AOAH: variants seen among roughly 807,000 people sequenced by gnomAD.
The protein encoded by AOAH is acyloxyacyl hydrolase (neutrophil).
Under a neutral mutation model 92.2 loss-of-function variants are expected in AOAH, and 64 were observed. The observed-to-expected ratio is 0.69, with a 90% confidence interval of 0.57 to 0.86. The LOEUF (loss-of-function observed/expected upper bound fraction) is 0.86. Ranked by LOEUF, AOAH falls within the 40% of genes least tolerant of loss-of-function variation. The pLI, the probability that AOAH is intolerant of heterozygous loss-of-function variation, is 0.00. For missense variants in AOAH, 656 were observed against 694.6 expected, an observed-to-expected ratio of 0.94 and a Z score of 0.62; for synonymous variants, 263 against 254.5, an observed-to-expected ratio of 1.03 and a Z score of -0.32.
chr7:36,538,396 C>T (rs75446080), intron 16 of AOAH, among the ~76,000 whole-genome samples: 157 of 152,220 alleles, frequency 1.0e-3, no homozygotes, highest in African/African-American at 3.5e-3. Context: ...GTCATTCTTA[C>T]CTTTGGTCTC....
intron 6 of AOAH, 52 bp from the exon 7 acceptor site, chr7:36,623,302 G>T: frequency 1.3e-6 from 2 of 1,530,738 alleles, no homozygotes. Context: ...AAGTAACAGT[G>T]TTGGTGAAAA....
intron 1 of AOAH, among the ~76,000 whole-genome samples, chr7:36,713,910 A>T (rs951528532): frequency 2.6e-5 from 4 of 152,224 alleles, no homozygotes; most frequent in Non-Finnish European, 4.4e-5. Context: ...CATCACAATT[A>T]AAAGAACTAG....
At chr7:36,552,753 C>T (rs891571524) in intron 13 of AOAH, among the ~76,000 whole-genome samples, 16 of 152,108 alleles carry the variant, frequency 1.1e-4, no homozygotes, top group African/African-American at 3.9e-4. Flanking sequence ...TAGTCTTGTG[C>T]CTATTCTTGC....
chr7:36,673,960 T>A lies in AOAH; in HGVS notation c.273A>T (p.Gly91=). 1 of 1,610,864 alleles carries A rather than the reference T, an allele frequency of 6.2e-7. No individual in the cohort carries two copies. The highest frequency in any genetic ancestry group is 8.5e-7 in the Non-Finnish European group (1 of 1,177,350). The change falls in exon 3 of 21, where the codon GGA becomes GGT. Residue 91 remains glycine (G), a synonymous_variant. Coordinates refer to ENST00000617537, the MANE Select transcript of AOAH (RefSeq NM_001637.4). ...ATACTCACAGTTTTATGATGTCTGA[T>A]CCAAACTTGTCAATGACTAAATAGC... ...TTCYLVIDKF[G]SDIIKLLSAD...
At chr7:36,534,876 G>A (rs376196605) in intron 16 of AOAH, among the ~76,000 whole-genome samples, 1 of 152,114 alleles carries the variant, frequency 6.6e-6, no homozygotes, top group East Asian at 1.9e-4. Flanking sequence ...GTGTCTGTGT[G>A]TCTGTGTCTC....
chr7:36,605,148 T>C (rs1583923289), intron 11 of AOAH, among the ~76,000 whole-genome samples: 1 of 152,264 alleles, frequency 6.6e-6, no homozygotes, highest in Non-Finnish European at 1.5e-5. Flanking sequence ...GGAAATCATA[T>C]AGAAGCCAGT....
At chr7:36,678,615 G>GCGCA (rs1241428446) in intron 2 of AOAH, among the ~76,000 whole-genome samples, 2 of 138,458 alleles carry the variant, frequency 1.4e-5, no homozygotes, top group Middle Eastern at 3.8e-3. Flanking sequence ...GCGCGCGCGC[G>GCGCA]TTAGAATTCT....
At chr7:36,528,293 T>C (rs768813839) in intron 19 of AOAH, among the ~76,000 whole-genome samples, 3 of 152,262 alleles carry the variant, frequency 2.0e-5, no homozygotes, top group Non-Finnish European at 4.4e-5. Context: ...CCCACGTTGA[T>C]GTAGAATGTT....
Position 36,654,981 on chromosome 7 carries a change from G to A in AOAH, c.390+4185C>T, listed in dbSNP as rs898316850. 6.6e-5 allele frequency among the ~76,000 whole-genome samples: 10 copies of A among 152,326 alleles called. No homozygotes were observed. The South Asian group carries it at 1.4e-3, about 22-fold the overall frequency. ...AGCACAGTTAAATGAGATCACGCAC[G>A]TTAAGTGCAGCGGCTGGCAGGCCAT... is the stretch of plus-strand genomic sequence containing the variant. On this transcript the variant is annotated intron_variant, in intron 4 of 20. Transcript: ENST00000617537.
chr7:36,663,301 G>T (rs749104596), intron 3 of AOAH, among the ~76,000 whole-genome samples: 1 of 152,018 alleles, frequency 6.6e-6, no homozygotes, highest in South Asian at 2.1e-4. Flanking sequence ...TGATAAACCC[G>T]CATTGACACA....
At chr7:36,647,128 G>A (rs1388890105) in intron 4 of AOAH, among the ~76,000 whole-genome samples, 1 of 152,160 alleles carries the variant, frequency 6.6e-6, no homozygotes, top group East Asian at 1.9e-4. Context: ...TTTCATGGAG[G>A]TTACACCCTA....
At chr7:36,668,154 C>G (rs1795665192) in intron 3 of AOAH, among the ~76,000 whole-genome samples, 1 of 152,072 alleles carries the variant, frequency 6.6e-6, no homozygotes, top group South Asian at 2.1e-4. Context: ...CATTTCTCCC[C>G]TGCTCCCTCA....
chr7:36,582,092 T>C (rs895123644), intron 12 of AOAH, among the ~76,000 whole-genome samples: 8 of 152,240 alleles, frequency 5.3e-5, no homozygotes, highest in Non-Finnish European at 1.0e-4. Flanking sequence ...TAGGATGCTA[T>C]GCATAATGAG....
At chr7:36,675,583 T>A (rs1299025310) in intron 2 of AOAH, among the ~76,000 whole-genome samples, 1 of 152,152 alleles carries the variant, frequency 6.6e-6, no homozygotes, top group African/African-American at 2.4e-5. Flanking sequence ...AGTTAAAGAA[T>A]TACTAACAAT....
chr7:36,626,688 G>A (rs1230771026), intron 6 of AOAH, among the ~76,000 whole-genome samples: 1 of 152,198 alleles, frequency 6.6e-6, no homozygotes, highest in Non-Finnish European at 1.5e-5. Flanking sequence ...GGGATAGCAG[G>A]TGGGTTATGG....
intron 11 of AOAH, among the ~76,000 whole-genome samples, chr7:36,612,253 A>G (rs1674734371): frequency 6.6e-6 from 1 of 152,136 alleles, no homozygotes; most frequent in Admixed American, 6.5e-5. Flanking sequence ...CTTTCCAATT[A>G]TTTTTTTGTT....
At chr7:36,588,316 A>T (rs1789497469) in intron 12 of AOAH, among the ~76,000 whole-genome samples, 1 of 152,156 alleles carries the variant, frequency 6.6e-6, no homozygotes, top group African/African-American at 2.4e-5. Flanking sequence ...ATTGTTGTGA[A>T]AGTAGTTTTT....
At chr7:36,604,120 A>T (rs1022940982) in intron 11 of AOAH, among the ~76,000 whole-genome samples, 18 of 152,146 alleles carry the variant, frequency 1.2e-4, no homozygotes, top group African/African-American at 4.3e-4. Context: ...AAGAGTACCA[A>T]TCCCAGCCAT....
chr7:36,569,773 G>A lies in AOAH; in HGVS notation c.1021+6801C>T, dbSNP rs544462662. Among the ~76,000 whole-genome samples the A allele has an allele frequency of 1.2e-3, 180 of 151,946 alleles. 1 individual carries two copies. The highest frequency in any genetic ancestry group is 2.2e-3 in the Non-Finnish European group (152 of 67,980). ...TTACAGGCACCTGCCACCATGCCTG[G>A]CTAATTTTTTTTATTTTTTAGTAGA... On this transcript the variant is annotated intron_variant, in intron 13 of 20. Transcript: ENST00000617537.
Sources: allele counts gnomAD v4.1 joint callset (sites outside exome capture counted in the v4.1 genomes callset), GRCh38; gene constraint gnomAD v4.1.1; transcripts MANE v1.5; gene names NCBI Gene and HGNC (gene_info 2026-07-23, HGNC 2026-07-21).